RIMS1: variants seen among roughly 807,000 people sequenced by gnomAD.
RIMS1 encodes regulating synaptic membrane exocytosis protein 1.
Under a neutral mutation model 214.1 loss-of-function variants are expected in RIMS1, and 83 were observed. The observed-to-expected ratio is 0.39, with a 90% CI of 0.32 to 0.47. The LOEUF (loss-of-function observed/expected upper bound fraction) is 0.47. Among genes scored for constraint, RIMS1 ranks in the 20% least tolerant of loss-of-function variants. The pLI, the probability that RIMS1 is intolerant of heterozygous loss-of-function variation, is 0.99. For missense variants in RIMS1, 2,050 were observed against 2,161.8 expected (o/e 0.95, Z 1.03); for synonymous variants, 793 against 786.8 (o/e 1.01, Z -0.13).
At chr6:72,036,793 A>C (rs552929686) in intron 2 of RIMS1, among the ~76,000 whole-genome samples, 2 of 152,194 alleles carry the variant, frequency 1.3e-5, no homozygotes, top group Non-Finnish European at 2.9e-5. Context: ...GAAGCCATCT[A>C]AAGTGCAGAG....
chr6:72,247,882 T>C, intron 11 of RIMS1, 133 bp from the exon 12 acceptor site: 4 of 633,810 alleles, frequency 6.3e-6, no homozygotes, highest in Non-Finnish European at 1.1e-5. Flanking sequence ...AAAGACAATC[T>C]ATCCCATTAA....
At chr6:72,397,012 CAAAT>C (rs530605359) in intron 31 of RIMS1, among the ~76,000 whole-genome samples, 2 of 151,322 alleles carry the variant, frequency 1.3e-5, no homozygotes, top group African/African-American at 2.4e-5. Flanking sequence ...GCCTCTGTCT[CAAAT>C]AAATAAATAA....
At chr6:72,256,222 A>G (rs930673585) in intron 16 of RIMS1, among the ~76,000 whole-genome samples, 4 of 152,078 alleles carry the variant, frequency 2.6e-5, no homozygotes, top group African/African-American at 4.8e-5. Flanking sequence ...GTCATTCACT[A>G]TAGAGTCAAA....
chr6:72,215,735 G>GA (rs2055662247), intron 6 of RIMS1, among the ~76,000 whole-genome samples: 1 of 151,586 alleles, frequency 6.6e-6, no homozygotes, highest in Non-Finnish European at 1.5e-5. Context: ...TTTGGGAAAA[G>GA]AAAAAAAAGC....
At chr6:71,957,437 G>A (rs1164145776) in intron 1 of RIMS1, among the ~76,000 whole-genome samples, 1 of 152,136 alleles carries the variant, frequency 6.6e-6, no homozygotes, top group Non-Finnish European at 1.5e-5. Context: ...GCTATCCCAA[G>A]GCTGATGAAT....
At chr6:72,355,171 C>T (rs151034416) in intron 29 of RIMS1, among the ~76,000 whole-genome samples, 28 of 152,138 alleles carry the variant, frequency 1.8e-4, no homozygotes, top group African/African-American at 6.0e-4. Context: ...AATGAAAATA[C>T]GGGTTAAAGG....
intron 29 of RIMS1, among the ~76,000 whole-genome samples, chr6:72,383,778 T>A (rs1350830117): frequency 6.6e-6 from 1 of 151,904 alleles, no homozygotes; most frequent in Non-Finnish European, 1.5e-5. Context: ...GATGGCATAA[T>A]CATAGCTTAC....
intron 11 of RIMS1, among the ~76,000 whole-genome samples, chr6:72,246,383 A>G (rs1465816530): frequency 2.0e-5 from 3 of 152,194 alleles, no homozygotes; most frequent in South Asian, 2.1e-4. Context: ...AATTATCTAT[A>G]TGGGAATTTA....
intron 4 of RIMS1, among the ~76,000 whole-genome samples, chr6:72,169,715 G>A (rs1562484162): frequency 6.6e-6 from 1 of 152,068 alleles, no homozygotes; most frequent in African/African-American, 2.4e-5. Context: ...ACCAGCCTGG[G>A]CAACATGGTG....
intron 1 of RIMS1, among the ~76,000 whole-genome samples, chr6:71,932,330 T>C (rs1285701315): frequency 6.6e-6 from 1 of 152,040 alleles, no homozygotes; most frequent in African/African-American, 2.4e-5. Flanking sequence ...TGCAGGGAGA[T>C]GGATAGAGCT....
chr6:72,365,674 T>C (rs1225631531), intron 29 of RIMS1: 1 of 152,254 alleles, frequency 6.6e-6, no homozygotes, highest in African/African-American at 2.4e-5. Context: ...ATGATCACTC[T>C]TGCTGACTTT....
At chr6:72,092,769 A>G (rs1241689214) in intron 2 of RIMS1, among the ~76,000 whole-genome samples, 1 of 152,062 alleles carries the variant, frequency 6.6e-6, no homozygotes, top group Non-Finnish European at 1.5e-5. Flanking sequence ...TGGGAGAAGA[A>G]CATGGTGCCC....
At chr6:71,977,446 G>T (rs984358944) in intron 2 of RIMS1, among the ~76,000 whole-genome samples, 2 of 152,126 alleles carry the variant, frequency 1.3e-5, no homozygotes, top group Non-Finnish European at 2.9e-5. Context: ...CCAGGCCCTG[G>T]ATATTATCAT....
chr6:72,019,867 T>C (rs1158538757), intron 2 of RIMS1, among the ~76,000 whole-genome samples: 1 of 152,138 alleles, frequency 6.6e-6, no homozygotes, highest in South Asian at 2.1e-4. Context: ...ACATATATTG[T>C]CCAGATAGTT....
At chr6:72,266,314 C>CAAAA in intron 22 of RIMS1, 1 of 491,512 alleles carries the variant, frequency 2.0e-6, no homozygotes, top group South Asian at 2.1e-5. Context: ...TGCTGCTTTT[C>CAAAA]CCCTTTTGTT....
intron 4 of RIMS1, among the ~76,000 whole-genome samples, chr6:72,154,736 T>C (rs2044214355): frequency 7.1e-6 from 1 of 140,878 alleles, no homozygotes. Context: ...ACTTCTTGTA[T>C]CCCACTTTCC....
intron 25 of RIMS1, among the ~76,000 whole-genome samples, chr6:72,291,494 T>A (rs182382706): frequency 3.3e-4 from 50 of 152,338 alleles, no homozygotes; most frequent in Admixed American, 1.4e-3. Context: ...CAGCTAGAAT[T>A]CTTATCAGTT....
In RIMS1 at chr6:71,963,217, A is replaced by G. The variant is rs1407830375; in HGVS notation, c.165-5766A>G. On this transcript the variant is annotated intron_variant, in intron 1 of 33. Coordinates refer to ENST00000521978, the MANE Select transcript of RIMS1 (RefSeq NM_014989.7). ...CAGAGGGCTGCCTGGAATGGTGGAA[A>G]GGACATTAGTTTTAATACCAAACCA... 3.3e-5 allele frequency among the ~76,000 whole-genome samples: 5 copies of G among 152,234 alleles called. No homozygotes were observed. In the East Asian group the frequency reaches 9.6e-4, roughly 29 times the overall value.
chr6:72,200,256 T>C (rs1463553053), intron 6 of RIMS1, among the ~76,000 whole-genome samples: 1 of 152,118 alleles, frequency 6.6e-6, no homozygotes, highest in Non-Finnish European at 1.5e-5. Context: ...TAATTTTTCA[T>C]TGAGCTTCCA....
Sources: allele counts gnomAD v4.1 joint callset (sites outside exome capture counted in the v4.1 genomes callset), GRCh38; gene constraint gnomAD v4.1.1; transcripts MANE v1.5; gene names NCBI Gene and HGNC (gene_info 2026-07-23, HGNC 2026-07-21).